The following CUX2 variants were observed in gnomAD, a reference collection of about 807,000 sequenced individuals.
CUX2 encodes the protein homeobox protein cut-like 2.
In CUX2, 40 loss-of-function variants were observed where a neutral mutation model predicts 144.8. The ratio of observed to expected loss-of-function variants is 0.28; its 90% CI spans 0.21 to 0.36. The LOEUF is 0.36. CUX2 is among the 10% of genes least tolerant of loss of function. CUX2 has a pLI of 1.00. For missense variants in CUX2, 1,615 were observed against 1,994.0 expected (o/e 0.81, Z 3.62); for synonymous variants, 827 against 875.6 (o/e 0.94, Z 0.98).
At chr12:111,258,948 G>A (rs978382511) in intron 3 of CUX2, among the ~76,000 whole-genome samples, 1 of 151,936 alleles carries the variant, frequency 6.6e-6, no homozygotes, top group African/African-American at 2.4e-5. Context: ...GTGCATTGCA[G>A]CCTAAACCTC....
Position 111,039,578 on chromosome 12 carries a change from G to C in CUX2, c.63+5338G>C, listed in dbSNP as rs372866033. ...TTTTGTTTTTTCAAGATGGAGTCTC[G>C]CTCTGCCACCCAGGCTGGAGTGCAG... On this transcript the variant is annotated intron_variant, in intron 1 of 21. Transcript: ENST00000261726. This position sits in a 1 kb window ranked among gnomAD's most constrained non-coding sequence, Gnocchi z 4.2. Among the ~76,000 whole-genome samples, 1 of 152,042 alleles carries C rather than the reference G, an allele frequency of 6.6e-6. No homozygotes were observed. Among genetic ancestry groups the C allele is most frequent in the African/African-American group, 2.4e-5 (1 of 41,370 alleles).
At chr12:111,118,635 C>T (rs1874440102) in intron 1 of CUX2, among the ~76,000 whole-genome samples, 1 of 152,168 alleles carries the variant, frequency 6.6e-6, no homozygotes. Context: ...TCCAACTGGT[C>T]CCAGGGCCGG....
chr12:111,298,501 G>A (rs538837671), intron 8 of CUX2, 40 bp from the exon 9 acceptor site: 13 of 1,549,834 alleles, frequency 8.4e-6, no homozygotes, highest in East Asian at 7.2e-5. Context: ...CCTGGAGCCC[G>A]CCGGAAGCCC....
chr12:111,291,127 AG>A (rs1885657742), intron 4 of CUX2, among the ~76,000 whole-genome samples: 1 of 152,106 alleles, frequency 6.6e-6, no homozygotes, highest in Non-Finnish European at 1.5e-5. Flanking sequence ...AGCCTCCCAA[AG>A]TGCTGGGATT....
chr12:111,177,827 T>C (rs940955095), intron 1 of CUX2, among the ~76,000 whole-genome samples: 1 of 152,276 alleles, frequency 6.6e-6, no homozygotes, highest in Non-Finnish European at 1.5e-5. Context: ...TGCTGTTGAT[T>C]GTCCTAGTGA....
In CUX2 at chr12:111,320,813, GAGA is replaced by G. The variant is rs745344500; in HGVS notation, c.2766+42_2766+44del. The G allele has an allele frequency of 8.2e-6, 12 of 1,454,696 alleles. No homozygotes were observed. The highest frequency in any genetic ancestry group is 4.4e-5 in the African/African-American group (3 of 68,830). 90.1% of individuals were successfully genotyped at this position (1,454,696 alleles called of 1,614,324 possible). ...CGGGCCCCCGGTGTCTGGGCTCTGGGAGAAGATGTCGGAGAAGTAGGATGCCCA... is the reference window on the plus strand; with the variant it reads ...CGGGCCCCCGGTGTCTGGGCTCTGGGAGATGTCGGAGAAGTAGGATGCCCA... On this transcript the variant is annotated intron_variant, in intron 17 of 21. Coordinates refer to ENST00000261726, the MANE Select transcript of CUX2 (RefSeq NM_015267.4). This position sits in a 1 kb window ranked among gnomAD's most constrained non-coding sequence, Gnocchi z 8.1.
chr12:111,345,457 A>G (rs964957239), intron 21 of CUX2, among the ~76,000 whole-genome samples: 2 of 106,762 alleles, frequency 1.9e-5, no homozygotes, highest in African/African-American at 7.3e-5. Flanking sequence ...AAAAAAAAAA[A>G]AAAAGGCCGG....
Position 111,091,182 on chromosome 12 carries a change from G to A in CUX2, c.63+56942G>A, listed in dbSNP as rs117443599. Reference sequence around the variant, plus strand: ...CCAAAAGGTGGCTGAAGGAGTCAGTGTTCCCACTCCAGCCAGGGCCAGGTG... The same window carrying A: ...CCAAAAGGTGGCTGAAGGAGTCAGTATTCCCACTCCAGCCAGGGCCAGGTG... On this transcript the variant is annotated intron_variant, in intron 1 of 21. Transcript: ENST00000261726. 3.7e-4 allele frequency among the ~76,000 whole-genome samples: 56 copies of A among 152,352 alleles called. No homozygotes were observed. In the East Asian group the frequency reaches 8.1e-3, roughly 22 times the overall value.
chr12:111,134,616 C>G (rs938088289), intron 1 of CUX2, among the ~76,000 whole-genome samples: 5,391 of 144,646 alleles, frequency 0.037, 338 homozygotes, highest in African/African-American at 0.14. Context: ...CTCTCTCTCT[C>G]TCTCTGTGTG....
intron 3 of CUX2, among the ~76,000 whole-genome samples, chr12:111,250,583 C>T (rs1883515052): frequency 6.6e-6 from 1 of 152,194 alleles, no homozygotes; most frequent in Non-Finnish European, 1.5e-5. Flanking sequence ...GCCTGGCCTT[C>T]GGAGGCTGAG....
intron 1 of CUX2, among the ~76,000 whole-genome samples, chr12:111,095,169 A>C (rs1162039427): frequency 6.6e-6 from 1 of 152,176 alleles, no homozygotes; most frequent in African/African-American, 2.4e-5. Context: ...GGTTAAGAGC[A>C]TGAGGGTGGC....
chr12:111,341,604 G>C (rs1311186554), intron 20 of CUX2, among the ~76,000 whole-genome samples, 176 bp from the exon 21 acceptor site: 1 of 152,036 alleles, frequency 6.6e-6, no homozygotes, highest in Non-Finnish European at 1.5e-5. Context: ...TGGGGGTTGG[G>C]AGATGCAGAA....
intron 3 of CUX2, among the ~76,000 whole-genome samples, chr12:111,230,050 G>A (rs1475137984): frequency 1.3e-5 from 2 of 151,772 alleles, no homozygotes; most frequent in African/African-American, 4.8e-5. Context: ...CTACTCCAAA[G>A]GCTGAGATGG....
intron 3 of CUX2, among the ~76,000 whole-genome samples, chr12:111,218,684 A>G (rs1217634502): frequency 6.6e-6 from 1 of 152,124 alleles, no homozygotes; most frequent in African/African-American, 2.4e-5. Flanking sequence ...CCTTGCAGAT[A>G]AGTCCACACA....
At chr12:111,290,923 C>T (rs540155284) in intron 4 of CUX2, among the ~76,000 whole-genome samples, 4 of 151,074 alleles carry the variant, frequency 2.6e-5, no homozygotes, top group African/African-American at 9.7e-5. Flanking sequence ...AGTGCAGTGG[C>T]GTGATCTCAG....
chr12:111,109,508 G>A (rs374140654), intron 1 of CUX2, among the ~76,000 whole-genome samples: 4 of 152,168 alleles, frequency 2.6e-5, no homozygotes, highest in Admixed American at 6.5e-5. Context: ...CTGCCCCAGC[G>A]ACCTTGGATG....
intron 1 of CUX2, among the ~76,000 whole-genome samples, chr12:111,062,975 G>A (rs1233646285): frequency 1.3e-5 from 2 of 152,172 alleles, no homozygotes; most frequent in African/African-American, 4.8e-5. Context: ...GGTCCCATGA[G>A]GCTTGTAGGC....
At chr12:111,049,681 T>C (rs748951427) in intron 1 of CUX2, among the ~76,000 whole-genome samples, 4 of 152,122 alleles carry the variant, frequency 2.6e-5, no homozygotes, top group Non-Finnish European at 4.4e-5. Context: ...AGAGGGTGGG[T>C]GGTCTCAGAA....
Position 111,304,619 on chromosome 12 carries a change from C to T in CUX2, c.858+305C>T, listed in dbSNP as rs950869053. Among the ~76,000 whole-genome samples the T allele has an allele frequency of 3.3e-5, 5 of 152,196 alleles. No homozygotes were observed. Among genetic ancestry groups the T allele is most frequent in the Non-Finnish European group, 7.3e-5 (5 of 68,038 alleles). ...GGAGGCCTCCCTTATCCCCAATTAT[C>T]CAAGAATGCCAGGAACTTCCTCAGA... is the stretch of plus-strand genomic sequence containing the variant. On this transcript the variant is annotated intron_variant, in intron 10 of 21. Transcript: ENST00000261726. The surrounding 1 kb of genome is among the most constrained non-coding windows in gnomAD (Gnocchi z 4.7).
Sources: gnomAD v4.1 joint callset for allele counts (sites outside exome capture counted in the v4.1 genomes callset) on GRCh38, gnomAD v4.1.1 for gene constraint, Gnocchi (gnomAD v3.1) non-coding constraint, MANE v1.5 for transcripts, NCBI Gene and HGNC (gene_info 2026-07-23, HGNC 2026-07-21) for gene names.